CREB5: variants seen among roughly 807,000 people sequenced by gnomAD.
The protein encoded by CREB5 is cAMP responsive element binding protein 5, also known as cyclic AMP-responsive element-binding protein 5.
In CREB5, 19 loss-of-function variants were observed where a neutral mutation model predicts 57.1. The observed-to-expected ratio is 0.33, with a 90% confidence interval of 0.23 to 0.49. CREB5 has a LOEUF of 0.49. CREB5 is among the 20% of genes least tolerant of loss of function. The probability of loss-of-function intolerance (pLI) is 0.99; values close to 1 mark genes in which losing one functional copy is unlikely to be tolerated. For missense variants in CREB5, 579 were observed against 671.6 expected, an observed-to-expected ratio of 0.86 and a Z score of 1.52; for synonymous variants, 238 against 238.3, an observed-to-expected ratio of 1.00 and a Z score of 0.01.
chr7:28,788,479 T>C (rs551806249), intron 7 of CREB5, among the ~76,000 whole-genome samples: 15 of 152,314 alleles, frequency 9.8e-5, no homozygotes, highest in Non-Finnish European at 1.8e-4. Context: ...TTCTAAAATC[T>C]CAACAGAAAC....
At chr7:28,483,456 G>A (rs1380038512) in intron 1 of CREB5, among the ~76,000 whole-genome samples, 1 of 152,156 alleles carries the variant, frequency 6.6e-6, no homozygotes, top group South Asian at 2.1e-4. Flanking sequence ...TTTGTTATCA[G>A]AGTTTTTTTG....
chr7:28,348,401 C>CTCTT (rs757560022), intron 1 of CREB5, among the ~76,000 whole-genome samples: 7 of 35,104 alleles, frequency 2.0e-4, no homozygotes, highest in Admixed American at 3.1e-4. Context: ...CTCTCTGTCT[C>CTCTT]TCTCTCTCAC....
chr7:28,752,355 TG>T (rs1457467969), intron 7 of CREB5, among the ~76,000 whole-genome samples: 1 of 152,112 alleles, frequency 6.6e-6, no homozygotes, highest in Non-Finnish European at 1.5e-5. Flanking sequence ...TTAGTAGAGA[TG>T]GGGTTTCACC....
chr7:28,723,292 C>T (rs10951203), intron 6 of CREB5, among the ~76,000 whole-genome samples: 151,497 of 152,356 alleles, frequency 0.99, 75,325 homozygotes, highest in Middle Eastern at 1. Flanking sequence ...TTCCACCAAA[C>T]GGAAAATATT....
intron 5 of CREB5, among the ~76,000 whole-genome samples, chr7:28,594,414 C>T (rs1214903015): frequency 1.3e-5 from 2 of 152,098 alleles, no homozygotes; most frequent in African/African-American, 4.8e-5. Context: ...GGATTACAGC[C>T]CACTTAACTC....
intron 1 of CREB5, among the ~76,000 whole-genome samples, chr7:28,420,996 A>T (rs1171960891): frequency 1.3e-5 from 2 of 151,934 alleles, no homozygotes; most frequent in East Asian, 1.9e-4. Context: ...GCATTCACTT[A>T]TTTTTATTTC....
intron 5 of CREB5, among the ~76,000 whole-genome samples, chr7:28,583,606 A>C (rs1346749277): frequency 6.6e-6 from 1 of 152,198 alleles, no homozygotes; most frequent in Non-Finnish European, 1.5e-5. Context: ...CACAGCACTG[A>C]GCTTCAAGAG....
chr7:28,474,358 T>C (rs144469773), intron 1 of CREB5, among the ~76,000 whole-genome samples: 1 of 152,294 alleles, frequency 6.6e-6, no homozygotes, highest in East Asian at 1.9e-4. Context: ...ATGGGAGTCT[T>C]GCTCTCCCCA....
chr7:28,391,096 C>A (rs1406058969), intron 1 of CREB5, among the ~76,000 whole-genome samples: 2 of 152,132 alleles, frequency 1.3e-5, no homozygotes, highest in African/African-American at 2.4e-5. Flanking sequence ...AGCACATTGG[C>A]TATTCGTTTC....
intron 5 of CREB5, among the ~76,000 whole-genome samples, chr7:28,655,046 G>A (rs1411702505): frequency 4.6e-5 from 7 of 152,026 alleles, no homozygotes; most frequent in Non-Finnish European, 1.0e-4. Context: ...GAATAGCTGG[G>A]GGTGTGCCAC....
chr7:28,592,222 T>A (rs1347871300), intron 5 of CREB5, among the ~76,000 whole-genome samples: 1 of 152,188 alleles, frequency 6.6e-6, no homozygotes, highest in East Asian at 1.9e-4. Flanking sequence ...GCAGGCCATG[T>A]GAACATTTGA....
At chr7:28,771,353 A>G (rs1453045814) in intron 7 of CREB5, among the ~76,000 whole-genome samples, 1 of 152,144 alleles carries the variant, frequency 6.6e-6, no homozygotes, top group Non-Finnish European at 1.5e-5. Flanking sequence ...ACGTTCCCTC[A>G]TCAAGGGAGC....
intron 1 of CREB5, among the ~76,000 whole-genome samples, chr7:28,479,146 T>A (rs1272629625): frequency 6.6e-6 from 1 of 152,192 alleles, no homozygotes; most frequent in African/African-American, 2.4e-5. Flanking sequence ...ATTCTTAATC[T>A]GCCTTTTACC....
At chr7:28,732,753 A>C (rs1803729029) in intron 7 of CREB5, among the ~76,000 whole-genome samples, 1 of 146,396 alleles carries the variant, frequency 6.8e-6, no homozygotes, top group Non-Finnish European at 1.5e-5. Context: ...AGCACAGAAG[A>C]TCTATCTGGA....
At chr7:28,615,774 T>TCCTTGG (rs1182856131) in intron 5 of CREB5, 1 of 152,270 alleles carries the variant, frequency 6.6e-6, no homozygotes, top group Non-Finnish European at 1.5e-5. Context: ...CCAGAACCAC[T>TCCTTGG]CCTTGGCCTT....
chr7:28,354,890 A>G (rs1327587844), intron 1 of CREB5, among the ~76,000 whole-genome samples: 1 of 152,198 alleles, frequency 6.6e-6, no homozygotes, highest in Non-Finnish European at 1.5e-5. Context: ...CCGTGAAGTC[A>G]CAGACGTAAG....
chr7:28,678,667 A>G (rs1388740859), intron 5 of CREB5, among the ~76,000 whole-genome samples: 1 of 152,216 alleles, frequency 6.6e-6, no homozygotes, highest in Non-Finnish European at 1.5e-5. Flanking sequence ...CCAAAATATT[A>G]TGTCAGCAGT....
chr7:28,671,590 G>A (rs1029300653), intron 5 of CREB5, among the ~76,000 whole-genome samples: 1 of 152,188 alleles, frequency 6.6e-6, no homozygotes, highest in African/African-American at 2.4e-5. Flanking sequence ...CAGTCAACAT[G>A]TGAAGGTTAC....
intron 5 of CREB5, among the ~76,000 whole-genome samples, chr7:28,639,632 T>C (rs1339628747): frequency 2.0e-5 from 3 of 152,292 alleles, no homozygotes; most frequent in African/African-American, 7.2e-5. Context: ...GCACTAATCA[T>C]GGACCCAAAG....
Sources: allele counts gnomAD v4.1 joint callset (sites outside exome capture counted in the v4.1 genomes callset), GRCh38; gene constraint gnomAD v4.1.1; transcripts MANE v1.5; gene names NCBI Gene and HGNC (gene_info 2026-07-23, HGNC 2026-07-21).